The following DLGAP2 variants were observed in gnomAD, a reference collection of about 807,000 sequenced individuals.
DLGAP2 encodes disks large-associated protein 2.
A neutral mutation model predicts 100.3 loss-of-function variants in DLGAP2; 26 were observed. The ratio of observed to expected loss-of-function variants is 0.26; its 90% CI spans 0.19 to 0.36. DLGAP2 has a LOEUF of 0.36. DLGAP2 is among the 10% of genes least tolerant of loss of function. The pLI is 1.00. For synonymous variants in DLGAP2, 886 were observed against 630.1 expected (o/e 1.41, Z -6.08); for missense variants, 1,858 against 1,453.2 (o/e 1.28, Z -4.53).
At chr8:1,634,413 A>T (rs1422648343) in intron 8 of DLGAP2, among the ~76,000 whole-genome samples, 1 of 152,098 alleles carries the variant, frequency 6.6e-6, no homozygotes, top group Non-Finnish European at 1.5e-5. Flanking sequence ...CCCAAGGGAA[A>T]TCCACAGGCT....
intron 1 of DLGAP2, among the ~76,000 whole-genome samples, chr8:892,638 C>A (rs569162963): frequency 6.6e-6 from 1 of 152,168 alleles, no homozygotes; most frequent in South Asian, 2.1e-4. Context: ...CTGGGTAGGT[C>A]AGCTCCCTGG....
Position 949,354 on chromosome 8 carries a change from G to A in DLGAP2, c.73+41388G>A, listed in dbSNP as rs950730956. On this transcript the variant is annotated intron_variant, in intron 2 of 14. Coordinates refer to ENST00000637795, the MANE Select transcript of DLGAP2 (RefSeq NM_001346810.2). Reference sequence around the variant, plus strand: ...TGGGTTCGTGGCAGACACCACGCTGGATAGTCCCAGCTGTAGACAGTGTTT... The same window carrying A: ...TGGGTTCGTGGCAGACACCACGCTGAATAGTCCCAGCTGTAGACAGTGTTT... 3.3e-4 allele frequency among the ~76,000 whole-genome samples: 51 copies of A among 152,326 alleles called. 1 individual carries two copies. Among genetic ancestry groups the A allele is most frequent in the African/African-American group, 1.1e-3 (46 of 41,578 alleles).
At chr8:1,440,674 G>A (rs553733364) in intron 3 of DLGAP2, among the ~76,000 whole-genome samples, 8 of 152,184 alleles carry the variant, frequency 5.3e-5, no homozygotes, top group Non-Finnish European at 8.8e-5. Flanking sequence ...GTGGATTGTC[G>A]GGTGAGCCGC....
intron 2 of DLGAP2, among the ~76,000 whole-genome samples, chr8:983,044 A>G (rs1479035383): frequency 1.3e-5 from 2 of 152,166 alleles, no homozygotes; most frequent in African/African-American, 4.8e-5. Flanking sequence ...AATAAGAGCT[A>G]CTATTCACTT....
intron 2 of DLGAP2, among the ~76,000 whole-genome samples, chr8:1,151,302 A>G (rs962803336): frequency 3.3e-5 from 5 of 152,220 alleles, no homozygotes; most frequent in African/African-American, 9.7e-5. Flanking sequence ...TTTTACATGC[A>G]CAGTAAAAAT....
intron 6 of DLGAP2, among the ~76,000 whole-genome samples, chr8:1,577,221 C>G (rs1803014954): frequency 7.9e-6 from 1 of 126,788 alleles, no homozygotes; most frequent in African/African-American, 2.8e-5. Context: ...TACTTAAAAT[C>G]ACAACACACT....
chr8:834,703 T>C (rs905788947), intron 1 of DLGAP2, among the ~76,000 whole-genome samples: 1 of 152,140 alleles, frequency 6.6e-6, no homozygotes, highest in African/African-American at 2.4e-5. Flanking sequence ...GTGGGTGCTA[T>C]GCCCTATTGG....
chr8:1,639,288 G>T (rs1357797003), intron 8 of DLGAP2, among the ~76,000 whole-genome samples: 1 of 152,218 alleles, frequency 6.6e-6, no homozygotes, highest in Non-Finnish European at 1.5e-5. Flanking sequence ...CAGTGGAAAG[G>T]TGGGAGCCAG....
intron 2 of DLGAP2, among the ~76,000 whole-genome samples, chr8:1,195,093 C>T (rs774130844): frequency 1.1e-4 from 17 of 152,232 alleles, no homozygotes; most frequent in African/African-American, 3.6e-4. Context: ...TCCAGGCCCC[C>T]GGCATCCTCA....
At chr8:1,230,202 C>T (rs913013221) in intron 2 of DLGAP2, among the ~76,000 whole-genome samples, 2 of 152,132 alleles carry the variant, frequency 1.3e-5, no homozygotes, top group African/African-American at 4.8e-5. Context: ...AAATCAGTAG[C>T]ATTTCTAGAA....
chr8:1,583,404 C>T (rs898544564), intron 6 of DLGAP2, among the ~76,000 whole-genome samples: 2 of 149,570 alleles, frequency 1.3e-5, no homozygotes, highest in Admixed American at 1.3e-4. Flanking sequence ...GTAACACCAC[C>T]ATGCTGGGCA....
chr8:905,408 A>G (rs1000537903), intron 1 of DLGAP2, among the ~76,000 whole-genome samples: 3 of 152,138 alleles, frequency 2.0e-5, no homozygotes, highest in African/African-American at 7.2e-5. Flanking sequence ...TTGTGGGATC[A>G]TTCGTCATAC....
intron 2 of DLGAP2, among the ~76,000 whole-genome samples, chr8:1,217,740 A>G (rs2116803990): frequency 6.6e-6 from 1 of 152,204 alleles, no homozygotes; most frequent in African/African-American, 2.4e-5. Context: ...GGGAATATAA[A>G]TTAAGCGTTA....
At chr8:1,155,591 G>GCC (rs1166367447) in intron 2 of DLGAP2, among the ~76,000 whole-genome samples, 1 of 151,980 alleles carries the variant, frequency 6.6e-6, no homozygotes, top group Non-Finnish European at 1.5e-5. Context: ...TTGCAGGGTA[G>GCC]CCCCAGCTCT....
At chr8:1,689,303 G>T (rs950681775) in intron 12 of DLGAP2, among the ~76,000 whole-genome samples, 10 of 152,188 alleles carry the variant, frequency 6.6e-5, no homozygotes, top group African/African-American at 2.4e-4. Flanking sequence ...AGATCCCCAG[G>T]TGAGGCACAG....
At chr8:844,074 T>A (rs1797030174) in intron 1 of DLGAP2, among the ~76,000 whole-genome samples, 1 of 152,218 alleles carries the variant, frequency 6.6e-6, no homozygotes, top group Non-Finnish European at 1.5e-5. Context: ...GCTCTACTAA[T>A]TTTTTTCATT....
chr8:840,802 C>T (rs1413510348), intron 1 of DLGAP2, among the ~76,000 whole-genome samples: 2 of 152,258 alleles, frequency 1.3e-5, no homozygotes, highest in Non-Finnish European at 2.9e-5. Context: ...CTGCACGTCT[C>T]CCCACACTCT....
intron 2 of DLGAP2, among the ~76,000 whole-genome samples, chr8:1,197,719 C>T (rs964215723): frequency 2.0e-5 from 3 of 151,240 alleles, no homozygotes; most frequent in African/African-American, 7.3e-5. Context: ...GCATCTGGGC[C>T]ACCAGCTGTC....
At chr8:812,430 G>T (rs565678899) in intron 1 of DLGAP2, among the ~76,000 whole-genome samples, 101 of 152,312 alleles carry the variant, frequency 6.6e-4, no homozygotes, top group African/African-American at 2.4e-3. Flanking sequence ...GGCCCCGCCA[G>T]ACTCTCAGCA....
Sources: allele counts gnomAD v4.1 joint callset (sites outside exome capture counted in the v4.1 genomes callset), GRCh38; gene constraint gnomAD v4.1.1; transcripts MANE v1.5; gene names NCBI Gene and HGNC (gene_info 2026-07-23, HGNC 2026-07-21).